Variants in STARD6 observed in about 807,000 individuals in gnomAD.
The protein encoded by STARD6 is StAR related lipid transfer domain containing 6.
STARD6 carries 21 observed loss-of-function variants against 22.3 expected under a neutral mutation model. The ratio of observed to expected loss-of-function variants is 0.94; its 90% CI spans 0.67 to 1.35. The LOEUF (loss-of-function observed/expected upper bound fraction) is 1.35, where lower values mean the gene tolerates loss of function less well. Ranked by LOEUF, STARD6 falls within the 40% of genes most tolerant of loss-of-function variation. The pLI is 0.00. For synonymous variants in STARD6, 80 were observed against 88.1 expected, an observed-to-expected ratio of 0.91 and a Z score of 0.52; for missense variants, 269 against 266.9, an observed-to-expected ratio of 1.01 and a Z score of -0.05.
In STARD6 at chr18:54,337,179, T is replaced by A. The variant is rs758895804; in HGVS notation, c.213A>T (p.Arg71Ser). The A allele has an allele frequency of 6.2e-7, 1 of 1,613,582 alleles. No homozygotes were observed. The highest frequency in any genetic ancestry group is 8.5e-7 in the Non-Finnish European group (1 of 1,179,690). ...CTTGCAATGATTTATCCCATGTAAT[T>A]CTGTCTCCAGTTTGGTAGAGGAAAT... is the stretch of plus-strand genomic sequence containing the variant. ...LSDFLYQTGD[R>S]ITWDKSLQVY... Residue 71 changes from arginine to serine, a missense_variant, in exon 5 of 8, where the codon AGA becomes AGT. Transcript: ENST00000307844.
intron 4 of STARD6, among the ~76,000 whole-genome samples, chr18:54,353,495 C>T (rs1372698066): frequency 6.6e-6 from 1 of 152,090 alleles, no homozygotes; most frequent in African/African-American, 2.4e-5. Flanking sequence ...CCCATCTCTA[C>T]AAAAACATAT....
chr18:54,350,260 T>C (rs1324077491), intron 4 of STARD6, among the ~76,000 whole-genome samples: 2 of 152,214 alleles, frequency 1.3e-5, no homozygotes, highest in African/African-American at 4.8e-5. Flanking sequence ...TTTTCATGTT[T>C]GTTGGCCATT....
intron 1 of STARD6, among the ~76,000 whole-genome samples, chr18:54,357,338 G>A (rs376941653): frequency 6.6e-6 from 1 of 152,106 alleles, no homozygotes; most frequent in African/African-American, 2.4e-5. Context: ...GGGAATCAAG[G>A]CTTCCTAGGA....
chr18:54,339,096 G>T (rs1171500967), intron 4 of STARD6, among the ~76,000 whole-genome samples: 1 of 85,324 alleles, frequency 1.2e-5, no homozygotes. Flanking sequence ...AGCAATGATT[G>T]TAAATATGTT....
At chr18:54,349,645 C>T (rs867836002) in intron 4 of STARD6, among the ~76,000 whole-genome samples, 1 of 152,086 alleles carries the variant, frequency 6.6e-6, no homozygotes, top group African/African-American at 2.4e-5. Flanking sequence ...GTCTTTTATC[C>T]ATCCTCCTCC....
At chr18:54,326,702 A>T (rs1041366173) in intron 7 of STARD6, among the ~76,000 whole-genome samples, 3 of 151,074 alleles carry the variant, frequency 2.0e-5, no homozygotes, top group South Asian at 2.1e-4. Flanking sequence ...TAATTCATAA[A>T]TTTTTTATAT....
intron 5 of STARD6, among the ~76,000 whole-genome samples, chr18:54,334,404 C>A (rs561576557): frequency 6.6e-6 from 1 of 152,266 alleles, no homozygotes; most frequent in South Asian, 2.1e-4. Context: ...GCTTAAAACA[C>A]ACCAATGGCT....
chr18:54,341,332 T>C (rs1390052728), intron 4 of STARD6, among the ~76,000 whole-genome samples: 1 of 152,166 alleles, frequency 6.6e-6, no homozygotes, highest in East Asian at 1.9e-4. Flanking sequence ...GTGCTGGGAT[T>C]ACAGGCGTGA....
intron 7 of STARD6, among the ~76,000 whole-genome samples, chr18:54,327,631 A>G (rs2144663892): frequency 6.6e-6 from 1 of 152,284 alleles, no homozygotes; most frequent in South Asian, 2.1e-4. Flanking sequence ...CATGCTGGGA[A>G]TTGTACTTTT....
At chr18:54,355,203 C>A (rs2089133315) in intron 2 of STARD6, among the ~76,000 whole-genome samples, 1 of 152,118 alleles carries the variant, frequency 6.6e-6, no homozygotes, top group South Asian at 2.1e-4. Flanking sequence ...AAAGCAATTT[C>A]TGACTTCAGG....
At chr18:54,352,561 C>T (rs10084048) in intron 4 of STARD6, among the ~76,000 whole-genome samples, 1,523 of 152,198 alleles carry the variant, frequency 0.01, 19 homozygotes, top group African/African-American at 0.033. Flanking sequence ...TTCCTGGATT[C>T]CTAATCCAGA....
At chr18:54,349,283 T>G (rs1466663007) in intron 4 of STARD6, among the ~76,000 whole-genome samples, 1 of 152,124 alleles carries the variant, frequency 6.6e-6, no homozygotes, top group African/African-American at 2.4e-5. Flanking sequence ...ACTGACATCT[T>G]GAACATAAAA....
At chr18:54,325,064 A>G (rs1278342561) in intron 7 of STARD6, among the ~76,000 whole-genome samples, 189 bp from the exon 8 acceptor site, 1 of 152,084 alleles carries the variant, frequency 6.6e-6, no homozygotes, top group African/African-American at 2.4e-5. Context: ...CCTTTTTGTC[A>G]TTTTATTGAC....
At chr18:54,344,817 T>C (rs963439317) in intron 4 of STARD6, among the ~76,000 whole-genome samples, 14 of 152,110 alleles carry the variant, frequency 9.2e-5, no homozygotes, top group African/African-American at 3.4e-4. Flanking sequence ...TTTCAATAGA[T>C]GTGGAAAAAG....
At chr18:54,345,127 A>G (rs144355356) in intron 4 of STARD6, among the ~76,000 whole-genome samples, 181 of 152,298 alleles carry the variant, frequency 1.2e-3, no homozygotes, top group Non-Finnish European at 2.1e-3. Flanking sequence ...ATGATTTTAT[A>G]TATAGAAAAA....
Position 54,337,159 on chromosome 18 carries a change from A to G in STARD6, c.233T>C (p.Leu78Ser), listed in dbSNP as rs1023314216. 1.1e-5 allele frequency: 17 copies of G among 1,613,168 alleles called. No homozygotes were observed. Among genetic ancestry groups the G allele is most frequent in the Middle Eastern group, 3.3e-4 (2 of 6,074 alleles). ...TGDRITWDKS[L>S]QVYNMVHRID... ...CCTGTGTACCATATTATACACTTGC[A>G]ATGATTTATCCCATGTAATTCTGTC... Residue 78 changes from leucine (L) to serine (S), a missense_variant, in exon 5 of 8, where the codon TTG becomes TCG. Physicochemically the swap from Leu to Ser is moderately radical, Grantham distance 145. Coordinates refer to ENST00000307844, the MANE Select transcript of STARD6 (RefSeq NM_139171.2).
intron 4 of STARD6, among the ~76,000 whole-genome samples, chr18:54,342,730 C>T (rs1422167916): frequency 2.5e-5 from 2 of 80,522 alleles, no homozygotes; most frequent in Non-Finnish European, 4.6e-5. Flanking sequence ...CCCGAGGTGC[C>T]GGGATTGCAG....
chr18:54,353,160 G>A (rs923341289), intron 4 of STARD6, among the ~76,000 whole-genome samples: 1 of 152,098 alleles, frequency 6.6e-6, no homozygotes. Flanking sequence ...CATAAAATGA[G>A]GTAGTTGAAA....
intron 6 of STARD6, among the ~76,000 whole-genome samples, chr18:54,329,845 C>T (rs1272611165): frequency 1.3e-5 from 2 of 150,938 alleles, no homozygotes; most frequent in Non-Finnish European, 3.0e-5. Context: ...CTGCTAGGGT[C>T]CTGGGTTCAT....
Sources: allele counts gnomAD v4.1 joint callset (sites outside exome capture counted in the v4.1 genomes callset), GRCh38; gene constraint gnomAD v4.1.1; transcripts MANE v1.5; gene names NCBI Gene and HGNC (gene_info 2026-07-23, HGNC 2026-07-21).